Variants in TACR3 observed in about 807,000 individuals in gnomAD.
TACR3 encodes the protein neuromedin-K receptor.
In TACR3, 34 loss-of-function variants were observed where a neutral mutation model predicts 35.0. That is an observed-to-expected ratio of 0.97 (90% CI 0.74 to 1.30). The LOEUF (loss-of-function observed/expected upper bound fraction) is 1.30. Ranked by LOEUF, TACR3 falls within the 50% of genes most tolerant of loss-of-function variation. The pLI, the probability that TACR3 is intolerant of heterozygous loss-of-function variation, is 0.00. For missense variants in TACR3, 558 were observed against 591.7 expected (o/e 0.94, Z 0.59); for synonymous variants, 233 against 221.1 (o/e 1.05, Z -0.48).
chr4:103,606,401 T>C (rs1560804398), intron 3 of TACR3, among the ~76,000 whole-genome samples: 1 of 152,334 alleles, frequency 6.6e-6, no homozygotes, highest in African/African-American at 2.4e-5. Flanking sequence ...ATTGAATCTG[T>C]AAATTACCTT....
chr4:103,605,287 T>C (rs1377245578), intron 3 of TACR3, among the ~76,000 whole-genome samples: 11 of 110,224 alleles, frequency 1.0e-4, no homozygotes, highest in Middle Eastern at 3.6e-3. Context: ...GCAATAAACA[T>C]ACGTGTGCAT....
chr4:103,610,715 A>G (rs1399831505), intron 3 of TACR3, among the ~76,000 whole-genome samples: 1 of 152,102 alleles, frequency 6.6e-6, no homozygotes, highest in African/African-American at 2.4e-5. Context: ...GATCAATGTC[A>G]TAAAGCATTT....
intron 1 of TACR3, among the ~76,000 whole-genome samples, chr4:103,706,276 T>A (rs75825347): frequency 0.013 from 1,937 of 152,250 alleles, 50 homozygotes; most frequent in African/African-American, 0.045. Flanking sequence ...TGACCACACA[T>A]CAAAGAAGTG....
intron 1 of TACR3, among the ~76,000 whole-genome samples, chr4:103,665,380 G>A (rs566388660): frequency 1.3e-5 from 2 of 151,738 alleles, no homozygotes; most frequent in South Asian, 4.2e-4. Context: ...ATTTTTATAA[G>A]TAAAATGTAT....
At chr4:103,680,512 C>CAT (rs397932964) in intron 1 of TACR3, among the ~76,000 whole-genome samples, 22,585 of 145,910 alleles carry the variant, frequency 0.15, 2,277 homozygotes, top group East Asian at 0.43. Context: ...CACACACACA[C>CAT]ATATATATAT....
intron 3 of TACR3, among the ~76,000 whole-genome samples, chr4:103,639,077 A>T (rs1270560717): frequency 1.3e-5 from 2 of 152,156 alleles, no homozygotes; most frequent in Non-Finnish European, 2.9e-5. Context: ...TGACCCAGCC[A>T]TCCCATTACT....
chr4:103,674,202 G>A (rs2110205007), intron 1 of TACR3, among the ~76,000 whole-genome samples: 1 of 152,156 alleles, frequency 6.6e-6, no homozygotes, highest in East Asian at 1.9e-4. Context: ...CAAAAACAGT[G>A]TTAGAACACT....
intron 1 of TACR3, among the ~76,000 whole-genome samples, chr4:103,687,396 G>A (rs1297199789): frequency 6.6e-6 from 1 of 152,166 alleles, no homozygotes; most frequent in East Asian, 1.9e-4. Flanking sequence ...GTTCTGGCCA[G>A]GGCAATTAGG....
chr4:103,714,578 A>G (rs1423463352), intron 1 of TACR3, among the ~76,000 whole-genome samples: 1 of 152,162 alleles, frequency 6.6e-6, no homozygotes, highest in African/African-American at 2.4e-5. Context: ...ATTCAAAAAT[A>G]TGTAACAGTT....
chr4:103,598,979 A>AGTTCT (rs1042236955), intron 3 of TACR3, among the ~76,000 whole-genome samples: 14 of 152,212 alleles, frequency 9.2e-5, no homozygotes, highest in African/African-American at 2.4e-4. Flanking sequence ...AGTTTTTCCC[A>AGTTCT]GTTCTGTGAA....
At chr4:103,614,697 C>G (rs560816121) in intron 3 of TACR3, among the ~76,000 whole-genome samples, 4 of 152,014 alleles carry the variant, frequency 2.6e-5, no homozygotes, top group African/African-American at 9.7e-5. Context: ...TGAGAACACT[C>G]ATCACTCAGG....
chr4:103,719,808 T>TA lies in TACR3; in HGVS notation c.-134dup, dbSNP rs1723175455. ...TCAGATAAGACTGGAAGCTGAAAGA[T>TA]ACTGCAATCCCTGCTGGTTAGGGGA... is the stretch of plus-strand genomic sequence containing the variant. On this transcript the variant is annotated 5_prime_UTR_variant, in exon 1 of 5. Transcript: ENST00000304883. The TA allele has an allele frequency of 4.2e-6, 5 of 1,176,786 alleles. No homozygotes were observed. The highest frequency in any genetic ancestry group is 4.6e-4 in the Middle Eastern group (2 of 4,320). 72.9% of individuals were successfully genotyped at this position (1,176,786 alleles called of 1,614,324 possible). A position where few individuals can be genotyped will look rare whatever the true frequency, so the allele number is the denominator to read the frequency against.
At chr4:103,680,488 C>T (rs1036381240) in intron 1 of TACR3, among the ~76,000 whole-genome samples, 1 of 136,890 alleles carries the variant, frequency 7.3e-6, no homozygotes, top group Non-Finnish European at 1.6e-5. Flanking sequence ...TATATATATA[C>T]ATACATACAC....
intron 3 of TACR3, among the ~76,000 whole-genome samples, chr4:103,650,484 T>G (rs1290833914): frequency 1.5e-5 from 2 of 135,634 alleles, no homozygotes; most frequent in Non-Finnish European, 3.1e-5. Context: ...TATTTATATA[T>G]AAATATGTAT....
intron 1 of TACR3, among the ~76,000 whole-genome samples, chr4:103,709,999 A>G (rs1183757940): frequency 6.6e-6 from 1 of 152,196 alleles, no homozygotes; most frequent in African/African-American, 2.4e-5. Flanking sequence ...GAGCACCCAG[A>G]TTCATAAAGC....
chr4:103,653,111 G>A (rs1042745008), intron 3 of TACR3, among the ~76,000 whole-genome samples: 3 of 151,982 alleles, frequency 2.0e-5, no homozygotes, highest in Non-Finnish European at 2.9e-5. Context: ...GATGTAAGGG[G>A]CCATTTCGTA....
At chr4:103,611,529 C>T (rs1724511757) in intron 3 of TACR3, among the ~76,000 whole-genome samples, 1 of 152,114 alleles carries the variant, frequency 6.6e-6, no homozygotes, top group African/African-American at 2.4e-5. Flanking sequence ...TGTTGGAGAC[C>T]TTTTATGTGC....
intron 3 of TACR3, among the ~76,000 whole-genome samples, chr4:103,607,049 C>G (rs999575288): frequency 2.6e-5 from 4 of 152,150 alleles, no homozygotes; most frequent in Non-Finnish European, 5.9e-5. Context: ...TGAATTTTGG[C>G]TTCATCCCTG....
intron 1 of TACR3, among the ~76,000 whole-genome samples, chr4:103,664,407 T>G (rs1414501722): frequency 6.6e-6 from 1 of 152,196 alleles, no homozygotes; most frequent in Non-Finnish European, 1.5e-5. Context: ...ATTAAGTTGT[T>G]TCTGGATTTT....
Sources: gnomAD v4.1 joint callset for allele counts (sites outside exome capture counted in the v4.1 genomes callset) on GRCh38, gnomAD v4.1.1 for gene constraint, MANE v1.5 for transcripts, NCBI Gene and HGNC (gene_info 2026-07-23, HGNC 2026-07-21) for gene names.